FADS2: variants seen among roughly 807,000 people sequenced by gnomAD.
FADS2 encodes the protein fatty acid desaturase 2.
Under a neutral mutation model 61.2 loss-of-function variants are expected in FADS2, and 18 were observed. The ratio of observed to expected loss-of-function variants is 0.29; its 90% CI spans 0.20 to 0.44. The LOEUF is 0.44. FADS2 is among the 20% of genes least tolerant of loss of function. The probability of loss-of-function intolerance (pLI) is 1.00; values close to 1 mark genes in which losing one functional copy is unlikely to be tolerated. For missense variants in FADS2, 322 were observed against 572.7 expected, an observed-to-expected ratio of 0.56 and a Z score of 4.47; for synonymous variants, 203 against 223.9, an observed-to-expected ratio of 0.91 and a Z score of 0.83.
intron 7 of FADS2, chr11:61,862,124 T>G (rs898555516): frequency 6.6e-6 from 1 of 151,170 alleles, no homozygotes; most frequent in Non-Finnish European, 1.5e-5. Context: ...GGGGAGGGAG[T>G]AAGCTAGGTC....
intron 5 of FADS2, among the ~76,000 whole-genome samples, chr11:61,850,094 G>A (rs1296969637): frequency 6.6e-6 from 1 of 152,030 alleles, no homozygotes; most frequent in African/African-American, 2.4e-5. Flanking sequence ...CCACCTCTGC[G>A]AATGTGGATG....
upstream of FADS2, among the ~76,000 whole-genome samples, chr11:61,824,203 G>A (rs2067051859): frequency 6.6e-6 from 1 of 151,804 alleles, no homozygotes; most frequent in Admixed American, 6.6e-5. Flanking sequence ...CCAACATGGA[G>A]AAACCCTGTC....
chr11:61,822,085 T>C (rs1320092162), intron 1 of FADS2, among the ~76,000 whole-genome samples: 1 of 151,960 alleles, frequency 6.6e-6, no homozygotes, highest in African/African-American at 2.4e-5. Context: ...TTCTCCTGCC[T>C]CAGCCTCCTG....
chr11:61,863,614 C>T lies in FADS2; in HGVS notation c.1078-93C>T, dbSNP rs188155518. ...GGACGGTATGATGTGGACGGGTGGC[C>T]TGGAGACCCTGGGTAAGGCTGGGCC... On this transcript the variant is annotated intron_variant, in intron 9 of 11. Transcript: ENST00000278840. 260 of 1,093,272 alleles carry T rather than the reference C, an allele frequency of 2.4e-4. No homozygotes were observed. The African/African-American group carries it at 3.6e-3, about 15-fold the overall frequency. 67.7% of individuals were successfully genotyped at this position (1,093,272 alleles called of 1,614,324 possible). A position where few individuals can be genotyped will look rare whatever the true frequency, so the allele number is the denominator to read the frequency against.
chr11:61,829,634 G>A (rs2067111423), intron 1 of FADS2, among the ~76,000 whole-genome samples: 1 of 152,344 alleles, frequency 6.6e-6, no homozygotes, highest in African/African-American at 2.4e-5. Context: ...AGAAAGGGCG[G>A]CTTTTGGTGG....
chr11:61,860,870 T>G (rs2067407895), intron 7 of FADS2, among the ~76,000 whole-genome samples: 1 of 152,098 alleles, frequency 6.6e-6, no homozygotes, highest in Non-Finnish European at 1.5e-5. Flanking sequence ...ATCACACCAC[T>G]GCACTCAAGC....
rs753617407 is a variant in FADS2, at chr11:61,848,233, C to T, written c.693C>T (p.Pro231=). ...AGCCTAACATCTTCCACAAGGATCC[C>T]GATGTGAACATGCTGCACGTGTTTG... ...HAKPNIFHKD[P]DVNMLHVFVL... is the part of the protein sequence containing the mutation. The change falls in exon 5 of 12, where the codon CCC becomes CCT. Residue 231 remains proline (P), a synonymous_variant. Coordinates refer to ENST00000278840, the MANE Select transcript of FADS2 (RefSeq NM_004265.4). 1.1e-5 allele frequency: 18 copies of T among 1,614,080 alleles called. No homozygotes were observed. The highest frequency in any genetic ancestry group is 4.4e-5 in the South Asian group (4 of 91,088).
At chr11:61,817,138 CG>C in intron 1 of FADS2, 1 of 267,154 alleles carries the variant, frequency 3.7e-6, no homozygotes, top group Non-Finnish European at 6.3e-6. Context: ...GCCCTGGGTG[CG>C]GGGCCGCGCT....
At chr11:61,824,393 AAAGAGAGAGAG>A (rs2067053800), upstream of FADS2, among the ~76,000 whole-genome samples, 2 of 63,492 alleles carry the variant, frequency 3.1e-5, no homozygotes, top group African/African-American at 5.3e-5. Context: ...GGGGAAAAAA[AAAGAGAGAGAG>A]AGAGAGAGAG....
Position 61,828,879 on chromosome 11 carries a change from C to G in FADS2, c.207+282C>G, listed in dbSNP as rs1446315297. Among the ~76,000 whole-genome samples the G allele has an allele frequency of 6.6e-6, 1 of 152,220 alleles. No individual in the cohort carries two copies. Among genetic ancestry groups the G allele is most frequent in the Non-Finnish European group, 1.5e-5 (1 of 68,032 alleles). On this transcript the variant is annotated intron_variant, in intron 1 of 11. Coordinates refer to ENST00000278840, the MANE Select transcript of FADS2 (RefSeq NM_004265.4). The surrounding 1 kb of genome is among the most constrained non-coding windows in gnomAD (Gnocchi z 6.4). ...CATCTACCGCGCGCGCCGGGACCCA[C>G]GCGTCCTCCCCTTCCTCGGGGTTTG...
intron 5 of FADS2, chr11:61,848,716 G>A: frequency 5.9e-6 from 1 of 169,322 alleles, no homozygotes; most frequent in Non-Finnish European, 1.3e-5. Context: ...CAGCAGGAAG[G>A]CAAGATTTCA....
chr11:61,842,505 C>T (rs1266215568), intron 4 of FADS2, among the ~76,000 whole-genome samples: 1 of 152,266 alleles, frequency 6.6e-6, no homozygotes, highest in Non-Finnish European at 1.5e-5. Context: ...GGGATTGTTC[C>T]TGTCCAATTG....
At chr11:61,840,278 T>A in intron 2 of FADS2, 56 bp from the exon 3 acceptor site, 2 of 1,422,156 alleles carry the variant, frequency 1.4e-6, no homozygotes, top group East Asian at 4.5e-5. Context: ...TCGAGACATA[T>A]GTTCCCTCCA....
At chr11:61,821,512 T>G in intron 1 of FADS2, 1 of 688,522 alleles carries the variant, frequency 1.5e-6, no homozygotes, top group Non-Finnish European at 2.6e-6. Context: ...ATCCTAAACA[T>G]AATAGTTGGC....
At position 61,865,801 on chromosome 11, in the gene FADS2, A is replaced by C; in HGVS notation, c.*112A>C. The stretch of plus-strand genomic sequence containing the variant: ...CGAGAGGCTGGTGTATGCACTGCTC[A>C]CGGACCCCATGTTGGATCTTTCTCC... On this transcript the variant is annotated 3_prime_UTR_variant, in exon 12 of 12. Coordinates refer to ENST00000278840, the MANE Select transcript of FADS2 (RefSeq NM_004265.4). The surrounding 1 kb of genome is among the most constrained non-coding windows in gnomAD (Gnocchi z 4.1). The C allele has an allele frequency of 3.6e-6, 3 of 836,150 alleles. No individual in the cohort carries two copies. The highest frequency in any genetic ancestry group is 5.9e-6 in the Non-Finnish European group (3 of 511,096). 51.8% of individuals were successfully genotyped at this position (836,150 alleles called of 1,614,324 possible). A position where few individuals can be genotyped will look rare whatever the true frequency, so the allele number is the denominator to read the frequency against.
At position 61,837,819 on chromosome 11, in the gene FADS2, C is replaced by G; in HGVS notation, c.249C>G (p.Gly83=). ...TCCACCCTGACCTGGAATTCGTGGG[C>G]AAGTTCTTGAAACCCCTGCTGATTG... ...RAFHPDLEFV[G]KFLKPLLIGE... is the part of the protein sequence containing the mutation. The change falls in exon 2 of 12, where the codon GGC becomes GGG. Residue 83 remains glycine, a synonymous_variant. Coordinates refer to ENST00000278840, the MANE Select transcript of FADS2 (RefSeq NM_004265.4). 1 of 1,613,750 alleles carries G rather than the reference C, an allele frequency of 6.2e-7. No individual in the cohort carries two copies. The highest frequency in any genetic ancestry group is 8.5e-7 in the Non-Finnish European group (1 of 1,179,850).
rs961527787 is a variant in FADS2 at position 61,837,406 on chromosome 11, A to G, written c.208-372A>G. Among the ~76,000 whole-genome samples the G allele has an allele frequency of 4.3e-4, 65 of 152,348 alleles. 1 individual carries two copies. The highest frequency in any genetic ancestry group is 1.5e-3 in the African/African-American group (62 of 41,574). Reference sequence around the variant, plus strand: ...GGGTGGTGTGGTTTGTGCACCATGCAAGGCACTCAGCTCACGAGCAGTCGA... The same window carrying G: ...GGGTGGTGTGGTTTGTGCACCATGCGAGGCACTCAGCTCACGAGCAGTCGA... On this transcript the variant is annotated intron_variant, in intron 1 of 11. Transcript: ENST00000278840.
chr11:61,841,766 T>A (rs1448846061), intron 4 of FADS2, among the ~76,000 whole-genome samples: 2 of 152,004 alleles, frequency 1.3e-5, no homozygotes, highest in African/African-American at 4.8e-5. Flanking sequence ...ATAAGCGGGG[T>A]ACAAAAAGTA....
intron 2 of FADS2, 104 bp from the exon 3 acceptor site, chr11:61,840,230 G>A: frequency 1.0e-6 from 1 of 969,308 alleles, no homozygotes; most frequent in Non-Finnish European, 1.6e-6. Context: ...TCTTGCCACA[G>A]CTTCTCTGGG....
Sources: gnomAD v4.1 joint callset for allele counts (sites outside exome capture counted in the v4.1 genomes callset) on GRCh38, gnomAD v4.1.1 for gene constraint, Gnocchi (gnomAD v3.1) non-coding constraint, MANE v1.5 for transcripts, NCBI Gene and HGNC (gene_info 2026-07-23, HGNC 2026-07-21) for gene names.